CCSER2: variants seen among roughly 807,000 people sequenced by gnomAD.
CCSER2 encodes the protein coiled-coil serine rich protein 2.
In CCSER2, 46 loss-of-function variants were observed where a neutral mutation model predicts 92.3. The observed-to-expected ratio is 0.50, with a 90% CI of 0.39 to 0.64. The LOEUF is 0.64. CCSER2 is among the 30% of genes least tolerant of loss of function. The pLI is 0.00. For missense variants in CCSER2, 1,244 were observed against 1,238.9 expected (o/e 1.00, Z -0.06); for synonymous variants, 433 against 431.4 (o/e 1.00, Z -0.04).
intron 1 of CCSER2, among the ~76,000 whole-genome samples, chr10:84,353,521 C>T (rs1013384089): frequency 6.6e-6 from 1 of 152,080 alleles, no homozygotes; most frequent in African/African-American, 2.4e-5. Flanking sequence ...GTTGAGTTTG[C>T]TCATAACGTT....
chr10:84,421,410 A>G (rs1843143357), intron 4 of CCSER2, among the ~76,000 whole-genome samples: 1 of 152,190 alleles, frequency 6.6e-6, no homozygotes, highest in Non-Finnish European at 1.5e-5. Flanking sequence ...ACTTGCAGTC[A>G]TGCTGGAAGG....
intron 9 of CCSER2, among the ~76,000 whole-genome samples, chr10:84,504,641 A>G (rs1316519514): frequency 6.6e-6 from 1 of 152,224 alleles, no homozygotes; most frequent in Non-Finnish European, 1.5e-5. Context: ...ATATTCCTAT[A>G]GGAAACTCTT....
chr10:84,471,547 A>T (rs904153181), intron 8 of CCSER2, among the ~76,000 whole-genome samples: 3 of 152,150 alleles, frequency 2.0e-5, no homozygotes, highest in African/African-American at 7.2e-5. Flanking sequence ...GTTTTTATTT[A>T]TATACAAAGG....
intron 3 of CCSER2, among the ~76,000 whole-genome samples, chr10:84,411,954 A>G (rs1406837065): frequency 6.6e-6 from 1 of 152,128 alleles, no homozygotes; most frequent in East Asian, 1.9e-4. Context: ...TTTGTCATAT[A>G]TGGCTCTTAT....
chr10:84,337,040 A>G (rs893585639), intron 1 of CCSER2, among the ~76,000 whole-genome samples: 2 of 152,192 alleles, frequency 1.3e-5, no homozygotes, highest in East Asian at 1.9e-4. Flanking sequence ...TAACGAGTTC[A>G]GTTTTGGACA....
chr10:84,409,908 C>G (rs7082654), intron 3 of CCSER2, among the ~76,000 whole-genome samples: 1,794 of 152,218 alleles, frequency 0.012, 35 homozygotes, highest in African/African-American at 0.04. Context: ...GATCCAATCC[C>G]TCCTCCCACC....
intron 5 of CCSER2, among the ~76,000 whole-genome samples, chr10:84,436,476 A>T (rs991845100): frequency 1.3e-5 from 2 of 151,634 alleles, no homozygotes; most frequent in African/African-American, 2.4e-5. Flanking sequence ...TGTACTAAAA[A>T]TACAAAAAAT....
At chr10:84,392,990 A>G (rs774228614) in intron 3 of CCSER2, among the ~76,000 whole-genome samples, 1 of 152,178 alleles carries the variant, frequency 6.6e-6, no homozygotes, top group Non-Finnish European at 1.5e-5. Context: ...GCATGCTTGC[A>G]TCACATAGAG....
chr10:84,404,704 A>G (rs1190246430), intron 3 of CCSER2, among the ~76,000 whole-genome samples: 1 of 152,238 alleles, frequency 6.6e-6, no homozygotes, highest in Non-Finnish European at 1.5e-5. Flanking sequence ...AAGTGAGTTT[A>G]GCAATGTTGC....
At chr10:84,512,405 A>AGAGAGAG (rs2077845822) in intron 9 of CCSER2, among the ~76,000 whole-genome samples, 1 of 140,624 alleles carries the variant, frequency 7.1e-6, no homozygotes, top group Non-Finnish European at 1.6e-5. Context: ...TGAGAGAGAG[A>AGAGAGAG]GAGAGAGAGA....
At chr10:84,355,935 T>A (rs1009511205) in intron 1 of CCSER2, among the ~76,000 whole-genome samples, 5 of 152,068 alleles carry the variant, frequency 3.3e-5, no homozygotes, top group African/African-American at 4.8e-5. Context: ...AAACCCTGTC[T>A]CTACTAAAAA....
chr10:84,502,726 G>A (rs145527750), intron 9 of CCSER2, among the ~76,000 whole-genome samples: 83 of 152,188 alleles, frequency 5.5e-4, no homozygotes, highest in African/African-American at 1.4e-3. Flanking sequence ...CCTCTAAATG[G>A]GGAGGCGAGG....
chr10:84,485,214 G>C (rs1489174788), intron 9 of CCSER2, among the ~76,000 whole-genome samples: 2 of 152,174 alleles, frequency 1.3e-5, no homozygotes, highest in Non-Finnish European at 2.9e-5. Flanking sequence ...TGACATTAGT[G>C]ATGGTGTGTG....
chr10:84,368,902 A>G (rs1180785412), intron 1 of CCSER2, among the ~76,000 whole-genome samples: 2 of 152,160 alleles, frequency 1.3e-5, no homozygotes, highest in East Asian at 3.9e-4. Flanking sequence ...TTGCATACCC[A>G]TAACTTAGCT....
intron 1 of CCSER2, among the ~76,000 whole-genome samples, chr10:84,351,501 A>C (rs1374432492): frequency 1.3e-5 from 2 of 151,852 alleles, no homozygotes; most frequent in Non-Finnish European, 2.9e-5. Flanking sequence ...CAAAATCCCA[A>C]AATGCTGGGA....
intron 4 of CCSER2, among the ~76,000 whole-genome samples, chr10:84,418,416 C>A (rs1218239067): frequency 2.6e-5 from 4 of 152,052 alleles, no homozygotes; most frequent in African/African-American, 9.7e-5. Flanking sequence ...AGTGACATAG[C>A]ACTTGTAGGA....
intron 1 of CCSER2, among the ~76,000 whole-genome samples, chr10:84,361,344 T>G (rs1845489603): frequency 6.6e-6 from 1 of 152,242 alleles, no homozygotes; most frequent in Admixed American, 6.5e-5. Flanking sequence ...CCTTTGGAAT[T>G]TGGTTGACTT....
In CCSER2 at chr10:84,513,849, C is replaced by T. The variant is rs117675200; in HGVS notation, c.2726C>T (p.Pro909Leu). Residue 909 changes from proline to leucine, a missense_variant, in exon 10 of 10, where the codon CCG becomes CTG. Transcript: ENST00000372088. ...QAKRVGRNQS[P>L]PVGYMSQPKS... is the part of the protein sequence containing the mutation. Reference sequence around the variant, plus strand: ...AAGAGAGTTGGAAGAAATCAGTCTCCGCCAGTGGGTTATATGTCTCAGCCC... The same window carrying T: ...AAGAGAGTTGGAAGAAATCAGTCTCTGCCAGTGGGTTATATGTCTCAGCCC... 3,306 of 1,536,232 alleles carry T rather than the reference C, an allele frequency of 2.2e-3. 7 individuals carry two copies. Among genetic ancestry groups the T allele is most frequent in the Non-Finnish European group, 2.5e-3 (2,884 of 1,146,942 alleles).
At position 84,355,404 on chromosome 10, in the gene CCSER2, G is replaced by T. The variant is rs563463552; in HGVS notation, c.-39-15610G>T. Reference sequence around the variant, plus strand: ...AGGCTGTATTGTTTTTTCACATTCAGTGTCTTTATTTCTATTTACCATTTA... The same window carrying T: ...AGGCTGTATTGTTTTTTCACATTCATTGTCTTTATTTCTATTTACCATTTA... On this transcript the variant is annotated intron_variant, in intron 1 of 9. Coordinates refer to ENST00000372088, the MANE Select transcript of CCSER2 (RefSeq NM_001284240.2). Among the ~76,000 whole-genome samples, 3 of 152,216 alleles carry T rather than the reference G, an allele frequency of 2.0e-5. No individual in the cohort carries two copies. In the East Asian group the frequency reaches 5.8e-4, roughly 29 times the overall value.
Sources: gnomAD v4.1 joint callset for allele counts (sites outside exome capture counted in the v4.1 genomes callset) on GRCh38, gnomAD v4.1.1 for gene constraint, MANE v1.5 for transcripts, NCBI Gene and HGNC (gene_info 2026-07-23, HGNC 2026-07-21) for gene names.